Variants in RNF2 observed in about 807,000 individuals in gnomAD.
RNF2 encodes the protein ring finger protein 2.
In RNF2, 6 loss-of-function variants were observed where a neutral mutation model predicts 37.2. That is an observed-to-expected ratio of 0.16 (90% confidence interval 0.09 to 0.32). RNF2 has a LOEUF of 0.32. Among genes scored for constraint, RNF2 ranks in the 10% least tolerant of loss-of-function variants. The pLI, the probability that RNF2 is intolerant of heterozygous loss-of-function variation, is 1.00. For synonymous variants in RNF2, 133 were observed against 132.7 expected, an observed-to-expected ratio of 1.00 and a Z score of -0.02; for missense variants, 251 against 404.0, an observed-to-expected ratio of 0.62 and a Z score of 3.25.
chr1:185,067,466 T>G (rs1345840141), intron 1 of RNF2, among the ~76,000 whole-genome samples: 2 of 152,204 alleles, frequency 1.3e-5, no homozygotes, highest in Non-Finnish European at 2.9e-5. Context: ...TCATTTACAT[T>G]TGTGTAATAT....
intron 1 of RNF2, among the ~76,000 whole-genome samples, chr1:185,049,692 G>A (rs1015095393): frequency 6.6e-6 from 1 of 151,666 alleles, no homozygotes; most frequent in Non-Finnish European, 1.5e-5. Flanking sequence ...AGCGGGGGAG[G>A]GGGGAACATT....
chr1:185,098,879 G>A (rs1651991983), intron 5 of RNF2, among the ~76,000 whole-genome samples: 1 of 151,550 alleles, frequency 6.6e-6, no homozygotes, highest in Non-Finnish European at 1.5e-5. Flanking sequence ...AGCCTCCCGA[G>A]TAGCTGGGAC....
Position 185,075,572 on chromosome 1 carries a change from A to G in RNF2, c.-2-11980A>G, listed in dbSNP as rs144259528. On this transcript the variant is annotated intron_variant, in intron 1 of 6. Transcript: ENST00000367510. The stretch of plus-strand genomic sequence containing the variant: ...GGCTCAAGGTTCTGCAAGGCTGTAC[A>G]GGAAGCATGGCTGGGGGAGGCCTCA... Among the ~76,000 whole-genome samples, 597 of 152,308 alleles carry G rather than the reference A, an allele frequency of 3.9e-3. 4 individuals carry two copies. Among genetic ancestry groups the G allele is most frequent in the African/African-American group, 0.013 (557 of 41,558 alleles).
At chr1:185,053,662 T>G (rs1311591403) in intron 1 of RNF2, among the ~76,000 whole-genome samples, 1 of 152,158 alleles carries the variant, frequency 6.6e-6, no homozygotes, top group African/African-American at 2.4e-5. Context: ...CTGAATTTTA[T>G]TATTTGCATT....
At chr1:185,097,561 C>A in intron 4 of RNF2, among the ~76,000 whole-genome samples, 1 of 152,196 alleles carries the variant, frequency 6.6e-6, no homozygotes, top group East Asian at 1.9e-4. Context: ...TAAGAGATAG[C>A]GTCTTACTCT....
At chr1:185,087,689 G>A (rs757894561) in intron 2 of RNF2, 49 bp downstream of exon 2, 1 of 1,347,762 alleles carries the variant, frequency 7.4e-7, no homozygotes, top group Admixed American at 1.8e-5. Flanking sequence ...TGTAAACTGG[G>A]ATACATTTTT....
intron 1 of RNF2, among the ~76,000 whole-genome samples, chr1:185,069,300 C>T (rs1650895100): frequency 6.6e-6 from 1 of 151,708 alleles, no homozygotes; most frequent in African/African-American, 2.4e-5. Context: ...AAAAAATACA[C>T]ACAAAAACCA....
At position 185,077,625 on chromosome 1, in the gene RNF2, G is replaced by GTTTTTTTTT. The variant is rs528747420; in HGVS notation, c.-2-9922_-2-9914dup. Among the ~76,000 whole-genome samples the GTTTTTTTTT allele has an allele frequency of 8.3e-4, 96 of 115,650 alleles. 4 individuals are homozygous for GTTTTTTTTT. Among genetic ancestry groups the GTTTTTTTTT allele is most frequent in the African/African-American group, 2.8e-3 (84 of 30,470 alleles). 75.9% of individuals were successfully genotyped at this position (115,650 alleles called of 152,430 possible). ...TTTTTAATTGTTAGGAATTAACTTT[G>GTTTTTTTTT]TTTTTTTTTTTTTGGCTAGAAATTT... On this transcript the variant is annotated intron_variant, in intron 1 of 6. Coordinates refer to ENST00000367510, the MANE Select transcript of RNF2 (RefSeq NM_007212.4).
At chr1:185,063,232 A>C (rs530827114) in intron 1 of RNF2, among the ~76,000 whole-genome samples, 1 of 152,334 alleles carries the variant, frequency 6.6e-6, no homozygotes, top group African/African-American at 2.4e-5. Flanking sequence ...TTTACACAGA[A>C]TACGTAGAAT....
At chr1:185,048,434 C>T (rs1650177526) in intron 1 of RNF2, among the ~76,000 whole-genome samples, 1 of 152,150 alleles carries the variant, frequency 6.6e-6, no homozygotes, top group African/African-American at 2.4e-5. Flanking sequence ...ATTTCTATTG[C>T]TTAAATTTAC....
chr1:185,054,547 A>C (rs893490496), intron 1 of RNF2, among the ~76,000 whole-genome samples: 1 of 152,138 alleles, frequency 6.6e-6, no homozygotes, highest in African/African-American at 2.4e-5. Context: ...GCTCTTCCTG[A>C]GAGCGGGTTC....
chr1:185,073,059 CTTT>C (rs5779240), intron 1 of RNF2, among the ~76,000 whole-genome samples: 25 of 136,918 alleles, frequency 1.8e-4, no homozygotes, highest in Non-Finnish European at 2.5e-4. Flanking sequence ...CTACGACTTG[CTTT>C]TTTTTTTTTT....
rs748725375 is a variant in RNF2 at position 185,093,325 on chromosome 1, T to C, written c.464+49T>C. 5.3e-6 allele frequency: 8 copies of C among 1,521,934 alleles called. No homozygotes were observed. The East Asian group carries it at 1.4e-4, about 27-fold the overall frequency. The allele number at this position is 1,521,934 out of a possible 1,614,324, so 94.3% of individuals were successfully genotyped here. On this transcript the variant is annotated intron_variant, in intron 4 of 6. Coordinates refer to ENST00000367510, the MANE Select transcript of RNF2 (RefSeq NM_007212.4). The stretch of plus-strand genomic sequence containing the variant: ...AGGGTAGCTGTTTTTCTGAATACTT[T>C]ATTAACAATTAAATTTACTTTTTGA...
intron 1 of RNF2, among the ~76,000 whole-genome samples, chr1:185,047,058 CTT>C (rs1375650919): frequency 1.3e-5 from 2 of 152,138 alleles, no homozygotes; most frequent in African/African-American, 2.4e-5. Flanking sequence ...TGATTGTACT[CTT>C]AAACTACTTT....
intron 1 of RNF2, among the ~76,000 whole-genome samples, chr1:185,073,674 T>TA (rs1431478488): frequency 6.6e-6 from 1 of 152,236 alleles, no homozygotes; most frequent in Non-Finnish European, 1.5e-5. Flanking sequence ...TACTGTTACT[T>TA]ACAAGGAATG....
chr1:185,086,932 C>T (rs1651615321), intron 1 of RNF2, among the ~76,000 whole-genome samples: 1 of 152,142 alleles, frequency 6.6e-6, no homozygotes, highest in Non-Finnish European at 1.5e-5. Context: ...ATCTTGTATA[C>T]ATTCAGCAGT....
Position 185,064,665 on chromosome 1 carries a change from G to C in RNF2, c.-3+19016G>C, listed in dbSNP as rs1366928358. ...GGGATGTAACCCCATGTAGGTCAACGAGCATCTTTATTGTTATCTTAATAA... is the reference window on the plus strand; with the variant it reads ...GGGATGTAACCCCATGTAGGTCAACCAGCATCTTTATTGTTATCTTAATAA... On this transcript the variant is annotated intron_variant, in intron 1 of 6. Transcript: ENST00000367510. Among the ~76,000 whole-genome samples, 5 of 150,360 alleles carry C rather than the reference G, an allele frequency of 3.3e-5. No individual in the cohort carries two copies. In the Admixed American group the frequency reaches 3.3e-4, roughly 10 times the overall value.
intron 1 of RNF2, among the ~76,000 whole-genome samples, chr1:185,074,608 A>G (rs191766551): frequency 2.0e-5 from 3 of 151,576 alleles, no homozygotes; most frequent in Non-Finnish European, 2.9e-5. Flanking sequence ...AAATACAAAG[A>G]AAAAAAAAGA....
At chr1:185,048,058 T>TAGA (rs1279456758) in intron 1 of RNF2, among the ~76,000 whole-genome samples, 3 of 152,314 alleles carry the variant, frequency 2.0e-5, no homozygotes, top group African/African-American at 4.8e-5. Context: ...ACTGGTCTTC[T>TAGA]ACCCTTTCTA....
Sources: gnomAD v4.1 joint callset for allele counts (sites outside exome capture counted in the v4.1 genomes callset) on GRCh38, gnomAD v4.1.1 for gene constraint, MANE v1.5 for transcripts, NCBI Gene and HGNC (gene_info 2026-07-23, HGNC 2026-07-21) for gene names.